DESI2: variants seen among roughly 807,000 people sequenced by gnomAD.
DESI2 encodes the protein deubiquitinase DESI2.
In DESI2, 10 loss-of-function variants were observed where a neutral mutation model predicts 24.1. That is an observed-to-expected ratio of 0.41 (90% confidence interval 0.26 to 0.70). The LOEUF (loss-of-function observed/expected upper bound fraction) is 0.70, where lower values mean the gene tolerates loss of function less well. DESI2 is among the 30% of genes least tolerant of loss of function. DESI2 has a pLI of 0.29. For missense variants in DESI2, 122 were observed against 234.9 expected, an observed-to-expected ratio of 0.52 and a Z score of 3.14; for synonymous variants, 71 against 87.7, an observed-to-expected ratio of 0.81 and a Z score of 1.06.
intron 1 of DESI2, among the ~76,000 whole-genome samples, chr1:244,671,238 G>A (rs550038463): frequency 9.2e-5 from 14 of 152,258 alleles, no homozygotes; most frequent in South Asian, 2.1e-4. Flanking sequence ...CTGATTGTTC[G>A]TGTAATCTCC....
At chr1:244,688,180 T>C (rs906408035) in intron 2 of DESI2, among the ~76,000 whole-genome samples, 3 of 152,208 alleles carry the variant, frequency 2.0e-5, no homozygotes, top group Non-Finnish European at 4.4e-5. Context: ...TATTAATATA[T>C]TCCTGAAAAT....
intron 1 of DESI2, among the ~76,000 whole-genome samples, chr1:244,675,980 A>C (rs917562295): frequency 6.6e-6 from 1 of 152,108 alleles, no homozygotes; most frequent in African/African-American, 2.4e-5. Flanking sequence ...CAGTTTATGA[A>C]CTTCTTAAAT....
In DESI2 at chr1:244,705,835, A is replaced by G; in HGVS notation, c.*46A>G. 7.3e-7 allele frequency: 1 copy of G among 1,374,240 alleles called. No individual in the cohort carries two copies. Among genetic ancestry groups the G allele is most frequent in the Non-Finnish European group, 1.0e-6 (1 of 989,084 alleles). 85.1% of individuals were successfully genotyped at this position (1,374,240 alleles called of 1,614,324 possible). A position where few individuals can be genotyped will look rare whatever the true frequency, so the allele number is the denominator to read the frequency against. On this transcript the variant is annotated 3_prime_UTR_variant, in exon 5 of 5. Transcript: ENST00000302550. ...TCAGAACTGTCTCTGGCAGTCGAAT[A>G]TCACTAGAGAAAAGTAAACAGAGAA...
chr1:244,653,550 A>C (rs950234622), intron 1 of DESI2, 195 bp downstream of exon 1: 11 of 563,920 alleles, frequency 2.0e-5, no homozygotes, highest in Non-Finnish European at 3.0e-5. Context: ...CGGTGAACCC[A>C]GTCAGCCCGA....
At chr1:244,673,288 G>C (rs2148793230) in intron 1 of DESI2, among the ~76,000 whole-genome samples, 1 of 152,116 alleles carries the variant, frequency 6.6e-6, no homozygotes, top group Non-Finnish European at 1.5e-5. Context: ...TCCCTGGAAG[G>C]GCTTACCCTC....
chr1:244,692,176 T>C (rs1343115760), intron 4 of DESI2, among the ~76,000 whole-genome samples, 156 bp downstream of exon 4: 1 of 152,182 alleles, frequency 6.6e-6, no homozygotes, highest in Non-Finnish European at 1.5e-5. Context: ...GAATGACCTT[T>C]CCAGAGTTGG....
chr1:244,683,919 G>A (rs1343850456), intron 1 of DESI2, among the ~76,000 whole-genome samples: 4 of 151,104 alleles, frequency 2.6e-5, no homozygotes, highest in Admixed American at 2.6e-4. Context: ...TGCCTAGGGG[G>A]GTCTTGAACT....
Position 244,705,990 on chromosome 1 carries a change from C to T in DESI2, c.*201C>T. The T allele has an allele frequency of 7.2e-6, 4 of 559,160 alleles. No homozygotes were observed. Among genetic ancestry groups the T allele is most frequent in the East Asian group, 3.0e-5 (1 of 33,386 alleles). The allele number at this position is 559,160 out of a possible 1,614,324, so 34.6% of individuals were successfully genotyped here. A position where few individuals can be genotyped will look rare whatever the true frequency, so the allele number is the denominator to read the frequency against. On this transcript the variant is annotated 3_prime_UTR_variant, in exon 5 of 5. Coordinates refer to ENST00000302550, the MANE Select transcript of DESI2 (RefSeq NM_016076.5). ...GAGGGAGAACTTTGTAAGAAGCTGC[C>T]CTCTGTTTTTTTTATCCACTCGTAA...
At chr1:244,682,234 A>G (rs1676641684) in intron 1 of DESI2, among the ~76,000 whole-genome samples, 1 of 152,152 alleles carries the variant, frequency 6.6e-6, no homozygotes, top group Non-Finnish European at 1.5e-5. Flanking sequence ...CCACACCCGC[A>G]TCCCACTGAT....
intron 4 of DESI2, chr1:244,694,712 C>CT: frequency 1.4e-6 from 1 of 701,982 alleles, no homozygotes; most frequent in Non-Finnish European, 2.6e-6. Flanking sequence ...ATGATGTTGC[C>CT]TTCGTCACCT....
At chr1:244,669,080 A>G (rs979322393) in intron 1 of DESI2, among the ~76,000 whole-genome samples, 2 of 152,046 alleles carry the variant, frequency 1.3e-5, no homozygotes, top group African/African-American at 4.8e-5. Context: ...GGCTCACTGC[A>G]GGCTTTGACC....
chr1:244,683,951 C>T lies in DESI2; in HGVS notation c.43-2646C>T, dbSNP rs567443187. 2.8e-4 allele frequency among the ~76,000 whole-genome samples: 43 copies of T among 151,872 alleles called. 1 individual carries two copies. The highest frequency in any genetic ancestry group is 2.1e-3 in the South Asian group (10 of 4,808). On this transcript the variant is annotated intron_variant, in intron 1 of 4. Transcript: ENST00000302550. ...AACTCCTGGCCTCAAGCTGTCCTCC[C>T]GCCTCAACCTCCCAAAGTACTGGAA...
At chr1:244,690,445 C>T (rs892114588) in intron 3 of DESI2, among the ~76,000 whole-genome samples, 5 of 152,150 alleles carry the variant, frequency 3.3e-5, no homozygotes, top group African/African-American at 1.2e-4. Flanking sequence ...GTGGCTCATG[C>T]CTGTAATCCC....
At chr1:244,664,628 G>A (rs1675980423) in intron 1 of DESI2, among the ~76,000 whole-genome samples, 1 of 152,220 alleles carries the variant, frequency 6.6e-6, no homozygotes, top group African/African-American at 2.4e-5. Context: ...AGCCCAGAAG[G>A]TCGAGGCTGC....
At chr1:244,663,461 C>G (rs1675924947) in intron 1 of DESI2, among the ~76,000 whole-genome samples, 1 of 151,926 alleles carries the variant, frequency 6.6e-6, no homozygotes, top group Non-Finnish European at 1.5e-5. Context: ...CAGGCGTGAG[C>G]CACCGCACCT....
chr1:244,707,112 G>A lies in DESI2; in HGVS notation c.*1323G>A, dbSNP rs1677736702. On this transcript the variant is annotated 3_prime_UTR_variant, in exon 5 of 5. Coordinates refer to ENST00000302550, the MANE Select transcript of DESI2 (RefSeq NM_016076.5). ...GAATGTCCTTCATAAAATATTGGAT[G>A]CAGTGTAACACTATCCAAGGCAGTG... 1 of 152,576 alleles carries A rather than the reference G, an allele frequency of 6.6e-6. No individual in the cohort carries two copies. Among genetic ancestry groups the A allele is most frequent in the Non-Finnish European group, 1.5e-5 (1 of 68,016 alleles). 9.5% of individuals were successfully genotyped at this position (152,576 alleles called of 1,614,324 possible). A position where few individuals can be genotyped will look rare whatever the true frequency, so the allele number is the denominator to read the frequency against.
chr1:244,702,795 A>C (rs1677522724), intron 4 of DESI2, among the ~76,000 whole-genome samples: 5 of 152,214 alleles, frequency 3.3e-5, no homozygotes, highest in African/African-American at 1.2e-4. Flanking sequence ...CACCTGTAGC[A>C]CATGGATATA....
At chr1:244,668,478 G>A (rs1377524474) in intron 1 of DESI2, among the ~76,000 whole-genome samples, 1 of 152,114 alleles carries the variant, frequency 6.6e-6, no homozygotes, top group East Asian at 1.9e-4. Flanking sequence ...CCTTTTTTGA[G>A]AAATAAGTCA....
At chr1:244,672,832 G>A (rs558271628) in intron 1 of DESI2, among the ~76,000 whole-genome samples, 3 of 152,000 alleles carry the variant, frequency 2.0e-5, no homozygotes, top group East Asian at 1.9e-4. Context: ...AGCCAAGATC[G>A]CCCCATTGCA....
Sources: allele counts gnomAD v4.1 joint callset (sites outside exome capture counted in the v4.1 genomes callset), GRCh38; gene constraint gnomAD v4.1.1; transcripts MANE v1.5; gene names NCBI Gene and HGNC (gene_info 2026-07-23, HGNC 2026-07-21).